VTI1A: variants seen among roughly 807,000 people sequenced by gnomAD.
The protein encoded by VTI1A is vesicle transport through interaction with t-SNAREs homolog 1A.
VTI1A carries 22 observed loss-of-function variants against 34.9 expected under a neutral mutation model. The ratio of observed to expected loss-of-function variants is 0.63; its 90% CI spans 0.45 to 0.90. VTI1A has a LOEUF of 0.90. VTI1A is among the 40% of genes least tolerant of loss of function. The probability of loss-of-function intolerance (pLI) is 0.00; values close to 1 mark genes in which losing one functional copy is unlikely to be tolerated. For missense variants in VTI1A, 268 were observed against 275.6 expected, an observed-to-expected ratio of 0.97 and a Z score of 0.20; for synonymous variants, 87 against 97.3, an observed-to-expected ratio of 0.89 and a Z score of 0.62.
rs1293880936 is a variant in VTI1A at position 112,724,800 on chromosome 10, G to GA, written c.560+55811dup. Among the ~76,000 whole-genome samples, 377 of 125,684 alleles carry GA rather than the reference G, an allele frequency of 3.0e-3. 8 individuals are homozygous for GA. In the East Asian group the frequency reaches 0.056, roughly 19 times the overall value. The allele number at this position is 125,684 out of a possible 152,430, so 82.5% of individuals were successfully genotyped here. ...CCCCTTTTTTTGAAAAAAAAAAAAA[G>GA]AAAAAAAAACAAAAACCTTTTTACA... On this transcript the variant is annotated intron_variant, in intron 7 of 7. Coordinates refer to ENST00000393077, the MANE Select transcript of VTI1A (RefSeq NM_145206.4).
chr10:112,447,426 A>G lies in VTI1A; in HGVS notation c.53A>G (p.Glu18Gly). 1 of 1,613,716 alleles carries G rather than the reference A, an allele frequency of 6.2e-7. No homozygotes were observed. Among genetic ancestry groups the G allele is most frequent in the Non-Finnish European group, 8.5e-7 (1 of 1,180,004 alleles). ...YEQDFAVLTAEITSKIARVPR... is the reference protein window; with the variant it reads ...YEQDFAVLTAGITSKIARVPR... ...CAGGACTTCGCGGTGCTCACTGCAG[A>G]GATCACCAGCAAGATTGCGAGGGTC... Residue 18 changes from glutamate to glycine, a missense_variant, in exon 1 of 8, where the codon GAG becomes GGG. Glu to Gly is a moderately conservative substitution (Grantham distance 98, BLOSUM62 -2). Transcript: ENST00000393077.
At chr10:112,756,273 C>A (rs532002720) in intron 7 of VTI1A, among the ~76,000 whole-genome samples, 32 of 152,224 alleles carry the variant, frequency 2.1e-4, no homozygotes, top group Admixed American at 1.1e-3. Flanking sequence ...CAATCTTTTT[C>A]CAAAAGGGGT....
chr10:112,461,197 A>G (rs953638832), intron 2 of VTI1A, among the ~76,000 whole-genome samples: 1 of 152,248 alleles, frequency 6.6e-6, no homozygotes, highest in African/African-American at 2.4e-5. Flanking sequence ...TTACAACAGC[A>G]TTAGAATACC....
At chr10:112,763,854 GT>G (rs1279240719) in intron 7 of VTI1A, among the ~76,000 whole-genome samples, 2 of 152,082 alleles carry the variant, frequency 1.3e-5, no homozygotes, top group African/African-American at 4.8e-5. Context: ...CGAAGAACAT[GT>G]GGTAAACTGG....
At chr10:112,688,879 G>T (rs1196903912) in intron 7 of VTI1A, among the ~76,000 whole-genome samples, 1 of 152,114 alleles carries the variant, frequency 6.6e-6, no homozygotes, top group East Asian at 1.9e-4. Flanking sequence ...GTTATTGTCA[G>T]TAGTGGGTTT....
intron 3 of VTI1A, among the ~76,000 whole-genome samples, chr10:112,473,657 T>G (rs1237572433): frequency 6.6e-6 from 1 of 152,190 alleles, no homozygotes; most frequent in Non-Finnish European, 1.5e-5. Context: ...AACAGTTTTA[T>G]GGCTCTTAAT....
intron 4 of VTI1A, among the ~76,000 whole-genome samples, chr10:112,529,476 A>G (rs1850352100): frequency 6.6e-6 from 1 of 152,156 alleles, no homozygotes; most frequent in Non-Finnish European, 1.5e-5. Flanking sequence ...GTAAAGAAAG[A>G]AAATATTTTA....
At position 112,664,400 on chromosome 10, in the gene VTI1A, A is replaced by G. The variant is rs191439624; in HGVS notation, c.428-3818A>G. Among the ~76,000 whole-genome samples, 52 of 152,274 alleles carry G rather than the reference A, an allele frequency of 3.4e-4. No individual in the cohort carries two copies. The East Asian group carries it at 8.5e-3, about 25-fold the overall frequency. On this transcript the variant is annotated intron_variant, in intron 5 of 7. Coordinates refer to ENST00000393077, the MANE Select transcript of VTI1A (RefSeq NM_145206.4). Reference sequence around the variant, plus strand: ...CAGGTCTTATAAATTTTTTTTAAAAAAAAGAGTTCATGTTAGTCCTATGTT... The same window carrying G: ...CAGGTCTTATAAATTTTTTTTAAAAGAAAGAGTTCATGTTAGTCCTATGTT...
chr10:112,718,864 T>G (rs1590111123), intron 7 of VTI1A, among the ~76,000 whole-genome samples: 1 of 152,278 alleles, frequency 6.6e-6, no homozygotes, highest in African/African-American at 2.4e-5. Flanking sequence ...TTTATGCAGG[T>G]TATTGTTATT....
chr10:112,806,434 CG>C (rs1853082852), intron 7 of VTI1A, among the ~76,000 whole-genome samples: 1 of 151,898 alleles, frequency 6.6e-6, no homozygotes. Flanking sequence ...TACAGGCACA[CG>C]CCACCACACC....
chr10:112,551,054 G>T lies in VTI1A; in HGVS notation c.427+12724G>T, dbSNP rs190472422. Among the ~76,000 whole-genome samples the T allele has an allele frequency of 3.1e-3, 475 of 152,000 alleles. 5 individuals are homozygous for T. The Middle Eastern group carries it at 0.054, about 17-fold the overall frequency. ...GTCGGGAGATGGAGACCATCCTGGCGAACACTGTGAAACCCCGTCTCTACT... is the reference window on the plus strand; with the variant it reads ...GTCGGGAGATGGAGACCATCCTGGCTAACACTGTGAAACCCCGTCTCTACT... On this transcript the variant is annotated intron_variant, in intron 5 of 7. Transcript: ENST00000393077.
chr10:112,621,933 C>T (rs748264633), intron 5 of VTI1A, among the ~76,000 whole-genome samples: 20 of 152,112 alleles, frequency 1.3e-4, no homozygotes, highest in Non-Finnish European at 1.9e-4. Context: ...TCCTTGGCTC[C>T]GTAGTATCAC....
chr10:112,528,927 G>T (rs1179813437), intron 4 of VTI1A, among the ~76,000 whole-genome samples: 1 of 151,950 alleles, frequency 6.6e-6, no homozygotes, highest in Non-Finnish European at 1.5e-5. Flanking sequence ...TAAAACATTT[G>T]CCTTGCGTAC....
At chr10:112,570,096 C>A (rs2134360017) in intron 5 of VTI1A, among the ~76,000 whole-genome samples, 1 of 152,196 alleles carries the variant, frequency 6.6e-6, no homozygotes, top group East Asian at 1.9e-4. Flanking sequence ...ATTATATGGC[C>A]CTTGCTTTTT....
intron 4 of VTI1A, among the ~76,000 whole-genome samples, chr10:112,531,416 A>G (rs1554897152): frequency 6.6e-6 from 1 of 151,236 alleles, no homozygotes; most frequent in Non-Finnish European, 1.5e-5. Flanking sequence ...CAGTCTACGC[A>G]TTGTTAATTT....
intron 7 of VTI1A, among the ~76,000 whole-genome samples, chr10:112,791,696 C>T (rs1381589033): frequency 2.0e-5 from 3 of 152,098 alleles, no homozygotes; most frequent in Admixed American, 6.6e-5. Context: ...CCACAAGGTG[C>T]TTGAAGGCAG....
chr10:112,809,087 C>T (rs1426805598), intron 7 of VTI1A, among the ~76,000 whole-genome samples: 2 of 152,142 alleles, frequency 1.3e-5, no homozygotes, highest in African/African-American at 4.8e-5. Flanking sequence ...GTGGGATCAG[C>T]CTCCCTGAAT....
At chr10:112,836,455 C>G in the VTI1A span, among the ~76,000 whole-genome samples, 1 of 152,182 alleles carries the variant, frequency 6.6e-6, no homozygotes, top group Non-Finnish European at 1.5e-5. Flanking sequence ...TCCTGATTCT[C>G]AGTCCATGCC....
chr10:112,561,838 G>A (rs983998018), intron 5 of VTI1A, among the ~76,000 whole-genome samples: 1 of 151,822 alleles, frequency 6.6e-6, no homozygotes. Flanking sequence ...CAAACTAAAG[G>A]CTGTTGTATT....
Sources: allele counts gnomAD v4.1 joint callset (sites outside exome capture counted in the v4.1 genomes callset), GRCh38; gene constraint gnomAD v4.1.1; transcripts MANE v1.5; gene names NCBI Gene and HGNC (gene_info 2026-07-23, HGNC 2026-07-21).